RALGPS2: variants seen among roughly 807,000 people sequenced by gnomAD.
The protein encoded by RALGPS2 is ras-specific guanine nucleotide-releasing factor RalGPS2.
Under a neutral mutation model 86.8 loss-of-function variants are expected in RALGPS2, and 43 were observed. The observed-to-expected ratio is 0.50, with a 90% CI of 0.39 to 0.64. The LOEUF is 0.64. RALGPS2 is among the 30% of genes least tolerant of loss of function. RALGPS2 has a pLI of 0.00. For missense variants in RALGPS2, 536 were observed against 694.6 expected, an observed-to-expected ratio of 0.77 and a Z score of 2.57; for synonymous variants, 243 against 231.3, an observed-to-expected ratio of 1.05 and a Z score of -0.46.
chr1:178,861,903 C>T (rs1017337832), intron 8 of RALGPS2, among the ~76,000 whole-genome samples: 2 of 152,090 alleles, frequency 1.3e-5, no homozygotes, highest in South Asian at 4.1e-4. Context: ...GTTTGAGTCT[C>T]ACTCTGTTGC....
intron 1 of RALGPS2, among the ~76,000 whole-genome samples, chr1:178,743,268 A>G (rs144520562): frequency 1.3e-5 from 2 of 152,324 alleles, no homozygotes; most frequent in African/African-American, 4.8e-5. Flanking sequence ...CTCAGAAAGA[A>G]TTTATAGCCC....
intron 16 of RALGPS2, 87 bp from the exon 17 acceptor site, chr1:178,897,577 T>C (rs905711538): frequency 1.9e-5 from 21 of 1,085,942 alleles, no homozygotes; most frequent in Non-Finnish European, 2.8e-5. Context: ...TGAAGTGAAG[T>C]GGACTTGATC....
At chr1:178,874,650 T>C (rs1167022916) in intron 8 of RALGPS2, among the ~76,000 whole-genome samples, 1 of 152,244 alleles carries the variant, frequency 6.6e-6, no homozygotes, top group Non-Finnish European at 1.5e-5. Flanking sequence ...ATTGCTGTTA[T>C]TGATGTACAT....
chr1:178,809,691 G>T (rs1654887718), intron 5 of RALGPS2, among the ~76,000 whole-genome samples: 1 of 151,994 alleles, frequency 6.6e-6, no homozygotes, highest in East Asian at 1.9e-4. Context: ...CATTTGGGGA[G>T]CACGTACACT....
chr1:178,782,270 C>G (rs982924833), intron 2 of RALGPS2, among the ~76,000 whole-genome samples: 4 of 152,086 alleles, frequency 2.6e-5, no homozygotes, highest in Non-Finnish European at 4.4e-5. Flanking sequence ...TTCTTCTCAC[C>G]CTCTGCTTTT....
At chr1:178,874,569 G>A (rs578028407) in intron 8 of RALGPS2, among the ~76,000 whole-genome samples, 1 of 152,260 alleles carries the variant, frequency 6.6e-6, no homozygotes, top group South Asian at 2.1e-4. Flanking sequence ...AGCAAGGAAT[G>A]ACATTTTTTT....
chr1:178,849,300 C>T (rs1657031844), intron 8 of RALGPS2, among the ~76,000 whole-genome samples: 1 of 152,134 alleles, frequency 6.6e-6, no homozygotes, highest in Admixed American at 6.5e-5. Context: ...TCTCAAGAAA[C>T]TTAGTTGCCC....
chr1:178,802,085 A>G (rs957018695), intron 4 of RALGPS2, among the ~76,000 whole-genome samples: 2 of 152,078 alleles, frequency 1.3e-5, no homozygotes, highest in Admixed American at 1.3e-4. Context: ...AGGCTCCCAG[A>G]AGTCGAAAAT....
chr1:178,727,421 T>C (rs1650086943), intron 1 of RALGPS2, among the ~76,000 whole-genome samples: 2 of 152,242 alleles, frequency 1.3e-5, no homozygotes, highest in South Asian at 4.1e-4. Context: ...GGCAGGACTC[T>C]GGAAATACTG....
chr1:178,865,107 G>C, intron 8 of RALGPS2: 1 of 1,573,880 alleles, frequency 6.4e-7, no homozygotes, highest in South Asian at 1.2e-5. Flanking sequence ...TGGCTGTTAG[G>C]AATATGTTGT....
chr1:178,754,426 G>A (rs1436318777), intron 1 of RALGPS2, among the ~76,000 whole-genome samples: 1 of 152,124 alleles, frequency 6.6e-6, no homozygotes, highest in African/African-American at 2.4e-5. Flanking sequence ...AGAGCCGGTG[G>A]TATAAGTTCT....
intron 8 of RALGPS2, among the ~76,000 whole-genome samples, chr1:178,843,815 G>A (rs551340352): frequency 2.0e-5 from 3 of 152,108 alleles, no homozygotes; most frequent in African/African-American, 7.2e-5. Flanking sequence ...TGAGATTATT[G>A]TGGACTCCTG....
At chr1:178,871,868 G>A (rs1658778531) in intron 8 of RALGPS2, among the ~76,000 whole-genome samples, 1 of 152,204 alleles carries the variant, frequency 6.6e-6, no homozygotes. Flanking sequence ...CACTTTACCT[G>A]CCTCTGGCAA....
intron 4 of RALGPS2, among the ~76,000 whole-genome samples, chr1:178,789,687 G>A (rs910248684): frequency 1.3e-5 from 2 of 152,102 alleles, no homozygotes; most frequent in Admixed American, 6.6e-5. Flanking sequence ...CAGTGTAGAG[G>A]TGGTATTTAA....
At chr1:178,777,555 A>T (rs1171378150) in intron 2 of RALGPS2, among the ~76,000 whole-genome samples, 1 of 151,436 alleles carries the variant, frequency 6.6e-6, no homozygotes, top group South Asian at 2.1e-4. Flanking sequence ...TAAAGTTCAT[A>T]TGGAACCAAA....
intron 8 of RALGPS2, among the ~76,000 whole-genome samples, chr1:178,858,197 A>G (rs1341732735): frequency 6.6e-6 from 1 of 152,184 alleles, no homozygotes; most frequent in Non-Finnish European, 1.5e-5. Context: ...TTTTATAAAC[A>G]TACCATTAAC....
intron 19 of RALGPS2, among the ~76,000 whole-genome samples, chr1:178,914,749 A>T (rs1424071302): frequency 2.0e-5 from 3 of 152,126 alleles, no homozygotes; most frequent in Non-Finnish European, 4.4e-5. Context: ...TGCAACACTA[A>T]TAGCAGTATT....
rs550017091 is a variant in RALGPS2 at position 178,807,889 on chromosome 1, G to C, written c.214-156G>C. 2.6e-5 allele frequency among the ~76,000 whole-genome samples: 4 copies of C among 152,250 alleles called. 1 individual carries two copies. The South Asian group carries it at 8.3e-4, about 32-fold the overall frequency. On this transcript the variant is annotated intron_variant, in intron 4 of 19. Coordinates refer to ENST00000367635, the MANE Select transcript of RALGPS2 (RefSeq NM_152663.5). ...TGTCCTGCTAATCAAATTTGCTTTT[G>C]TGATCCAACTGAATGGATATAATAT...
At chr1:178,798,483 T>C (rs1448705750) in intron 4 of RALGPS2, among the ~76,000 whole-genome samples, 1 of 152,108 alleles carries the variant, frequency 6.6e-6, no homozygotes, top group Non-Finnish European at 1.5e-5. Context: ...ATACCATTAG[T>C]GGTGGTGGAA....
Sources: gnomAD v4.1 joint callset for allele counts (sites outside exome capture counted in the v4.1 genomes callset) on GRCh38, gnomAD v4.1.1 for gene constraint, MANE v1.5 for transcripts, NCBI Gene and HGNC (gene_info 2026-07-23, HGNC 2026-07-21) for gene names.